TXNDC16: variants seen among roughly 807,000 people sequenced by gnomAD.
TXNDC16 encodes the protein thioredoxin domain-containing protein 16.
In TXNDC16, 74 loss-of-function variants were observed where a neutral mutation model predicts 85.6. The observed-to-expected ratio is 0.86, with a 90% CI of 0.72 to 1.05. The LOEUF (loss-of-function observed/expected upper bound fraction) is 1.05, where lower values mean the gene tolerates loss of function less well. Among genes scored for constraint, TXNDC16 ranks in the 50% least tolerant of loss-of-function variants. TXNDC16 has a pLI of 0.00. For missense variants in TXNDC16, 959 were observed against 947.0 expected (o/e 1.01, Z -0.17); for synonymous variants, 335 against 326.5 (o/e 1.03, Z -0.28).
chr14:52,530,245 A>ATTATATATTATATAATATATATTATTATT (rs2037477724), intron 6 of TXNDC16, among the ~76,000 whole-genome samples: 1 of 53,650 alleles, frequency 1.9e-5, no homozygotes, highest in Admixed American at 3.8e-4. Flanking sequence ...ATAATAATAT[A>ATTATATATTATATAATATATATTATTATT]TAATATATAT....
At chr14:52,437,178 C>T (rs986330883) in intron 20 of TXNDC16, among the ~76,000 whole-genome samples, 13 of 151,854 alleles carry the variant, frequency 8.6e-5, no homozygotes, top group African/African-American at 3.1e-4. Context: ...TGTTATAAGC[C>T]AGGATAATAG....
chr14:52,532,143 T>C (rs368046310), intron 6 of TXNDC16, among the ~76,000 whole-genome samples: 1 of 150,638 alleles, frequency 6.6e-6, no homozygotes, highest in Admixed American at 6.6e-5. Flanking sequence ...AAAAGACAAA[T>C]GAAAAACTTG....
chr14:52,504,926 C>T (rs1279442075), intron 9 of TXNDC16, among the ~76,000 whole-genome samples: 2 of 152,118 alleles, frequency 1.3e-5, no homozygotes, highest in African/African-American at 4.8e-5. Context: ...CAATCCTAGA[C>T]TCTGATAAAA....
In TXNDC16 at chr14:52,530,030, T is replaced by A. The variant is rs866121640; in HGVS notation, c.392+6689A>T. ...ATATATTATATATTATATGTTATAA[T>A]TATTTTTATGTAATTTATTTATACA... On this transcript the variant is annotated intron_variant, in intron 6 of 20. Coordinates refer to ENST00000281741, the MANE Select transcript of TXNDC16 (RefSeq NM_020784.3). Among the ~76,000 whole-genome samples the A allele has an allele frequency of 3.3e-5, 3 of 90,550 alleles. 1 individual carries two copies. The highest frequency in any genetic ancestry group is 1.3e-4 in the African/African-American group (3 of 22,246). 59.4% of individuals were successfully genotyped at this position (90,550 alleles called of 152,430 possible).
intron 18 of TXNDC16, among the ~76,000 whole-genome samples, chr14:52,441,797 T>G (rs2035172471): frequency 6.6e-6 from 1 of 152,154 alleles, no homozygotes; most frequent in Admixed American, 6.5e-5. Flanking sequence ...CTGCACTCTT[T>G]TTATCTTAGA....
rs2034927945 is a variant in TXNDC16, at chr14:52,432,545, T to C, written c.2237A>G (p.Tyr746Cys). 1.2e-6 allele frequency: 2 copies of C among 1,612,494 alleles called. No homozygotes were observed. Among genetic ancestry groups the C allele is most frequent in the Non-Finnish European group, 1.7e-6 (2 of 1,179,466 alleles). Reference protein sequence around the residue: ...AQEWKPPLPAYDFLSMIDAAT... With the variant: ...AQEWKPPLPACDFLSMIDAAT... The stretch of plus-strand genomic sequence containing the variant: ...GGCATCTATCATACTTAGAAAATCA[T>C]AAGCTGGAAGAGGAGGTTTCCATTC... Residue 746 changes from tyrosine to cysteine, a missense_variant, in exon 21 of 21, where the codon TAT (tyrosine) becomes TGT (cysteine). Coordinates refer to ENST00000281741, the MANE Select transcript of TXNDC16 (RefSeq NM_020784.3).
chr14:52,489,872 G>C (rs2036360245), intron 11 of TXNDC16, among the ~76,000 whole-genome samples: 1 of 152,160 alleles, frequency 6.6e-6, no homozygotes, highest in Non-Finnish European at 1.5e-5. Context: ...GTCTGTCTCT[G>C]TCACCCAGGG....
intron 11 of TXNDC16, among the ~76,000 whole-genome samples, chr14:52,490,020 G>T (rs529461668): frequency 3.9e-5 from 6 of 151,984 alleles, no homozygotes; most frequent in Non-Finnish European, 7.4e-5. Flanking sequence ...GTAGAGATGG[G>T]ATCTCCCGAT....
At chr14:52,546,670 T>C (rs138955260) in intron 1 of TXNDC16, among the ~76,000 whole-genome samples, 202 of 152,360 alleles carry the variant, frequency 1.3e-3, no homozygotes, top group African/African-American at 4.4e-3. Flanking sequence ...TAATGTGTAA[T>C]AAGCATGTGA....
At chr14:52,469,551 T>C (rs1442245334) in intron 16 of TXNDC16, among the ~76,000 whole-genome samples, 4 of 151,920 alleles carry the variant, frequency 2.6e-5, no homozygotes, top group African/African-American at 9.7e-5. Context: ...GAGACCATCC[T>C]GGCCAACATG....
At chr14:52,469,584 C>G (rs1275671883) in intron 16 of TXNDC16, among the ~76,000 whole-genome samples, 1 of 150,734 alleles carries the variant, frequency 6.6e-6, no homozygotes, top group East Asian at 2.0e-4. Flanking sequence ...CTCTACTAAA[C>G]ACACAAAAAT....
chr14:52,523,914 T>C (rs2037267851), intron 6 of TXNDC16, among the ~76,000 whole-genome samples: 1 of 152,250 alleles, frequency 6.6e-6, no homozygotes, highest in Non-Finnish European at 1.5e-5. Flanking sequence ...ATATGTACTA[T>C]AGAAGCACTT....
Position 52,521,513 on chromosome 14 carries a change from T to C in TXNDC16, c.393-2220A>G, listed in dbSNP as rs117053080. Among the ~76,000 whole-genome samples the C allele has an allele frequency of 3.7e-4, 57 of 152,260 alleles. No homozygotes were observed. In the East Asian group the frequency reaches 0.01, roughly 28 times the overall value. ...CTCCTGTATCTAATCTGTTGTGACA[T>C]CACACATCATGTAGCCTCTAGAACC... On this transcript the variant is annotated intron_variant, in intron 6 of 20. Coordinates refer to ENST00000281741, the MANE Select transcript of TXNDC16 (RefSeq NM_020784.3).
intron 7 of TXNDC16, among the ~76,000 whole-genome samples, chr14:52,515,357 G>A (rs1054557878): frequency 1.3e-5 from 2 of 151,002 alleles, no homozygotes; most frequent in Admixed American, 6.6e-5. Context: ...AACTTACACT[G>A]AAAGAAAACA....
chr14:52,545,893 AAG>A (rs1311017713), intron 1 of TXNDC16, among the ~76,000 whole-genome samples: 1 of 152,156 alleles, frequency 6.6e-6, no homozygotes, highest in South Asian at 2.1e-4. Flanking sequence ...GGTGGGGAAA[AAG>A]AATATCAGCA....
chr14:52,496,017 G>C (rs28565078), intron 9 of TXNDC16, among the ~76,000 whole-genome samples: 2 of 151,888 alleles, frequency 1.3e-5, no homozygotes, highest in Non-Finnish European at 2.9e-5. Context: ...AAAATTAGCC[G>C]GGTGTGGTGG....
intron 6 of TXNDC16, among the ~76,000 whole-genome samples, chr14:52,535,428 T>C (rs2037677480): frequency 6.6e-6 from 1 of 152,134 alleles, no homozygotes; most frequent in Non-Finnish European, 1.5e-5. Flanking sequence ...ATTTGTAAAG[T>C]GATAAGCACA....
chr14:52,529,812 T>C (rs1460483270), intron 6 of TXNDC16, among the ~76,000 whole-genome samples: 2 of 111,286 alleles, frequency 1.8e-5, no homozygotes, highest in Non-Finnish European at 3.3e-5. Flanking sequence ...ATATGACACC[T>C]ATTATATATT....
At chr14:52,461,472 T>C (rs894829426) in intron 16 of TXNDC16, among the ~76,000 whole-genome samples, 4 of 152,230 alleles carry the variant, frequency 2.6e-5, no homozygotes, top group African/African-American at 9.6e-5. Flanking sequence ...TTTATTATTA[T>C]TTAACATGAC....
Sources: gnomAD v4.1 joint callset for allele counts (sites outside exome capture counted in the v4.1 genomes callset) on GRCh38, gnomAD v4.1.1 for gene constraint, MANE v1.5 for transcripts, NCBI Gene and HGNC (gene_info 2026-07-23, HGNC 2026-07-21) for gene names.